The following SNX18 variants were observed in gnomAD, a reference collection of about 807,000 sequenced individuals.
SNX18 encodes sorting nexin-18.
A neutral mutation model predicts 48.7 loss-of-function variants in SNX18; 35 were observed. The observed-to-expected ratio is 0.72, with a 90% CI of 0.55 to 0.95. The LOEUF is 0.95. SNX18 is among the 40% of genes least tolerant of loss of function. The pLI, the probability that SNX18 is intolerant of heterozygous loss-of-function variation, is 0.00. For missense variants in SNX18, 824 were observed against 871.0 expected, an observed-to-expected ratio of 0.95 and a Z score of 0.68; for synonymous variants, 492 against 384.7, an observed-to-expected ratio of 1.28 and a Z score of -3.26.
chr5:54,520,776 T>TGA (rs1157958081), intron 1 of SNX18: 2 of 167,072 alleles, frequency 1.2e-5, no homozygotes, highest in African/African-American at 2.4e-5. Flanking sequence ...TCCAAATGCG[T>TGA]GACTGGTCTT....
intron 1 of SNX18, among the ~76,000 whole-genome samples, chr5:54,535,787 A>G (rs1427755970): frequency 6.6e-6 from 1 of 152,210 alleles, no homozygotes; most frequent in East Asian, 1.9e-4. Flanking sequence ...CTTTATTAAA[A>G]ACAAAAATTT....
In SNX18 at chr5:54,519,194, C is replaced by A; in HGVS notation, c.1242C>A (p.Pro414=). ...GANFFLTLST[P]PAAALDLQEV... ...ACTTCTTCCTGACCCTTAGCACGCC[C>A]CCCGCCGCTGCCCTTGACCTGCAGG... The change falls in exon 1 of 2, where the codon CCC becomes CCA. Residue 414 remains proline, a synonymous_variant. Coordinates refer to ENST00000381410, the MANE Select transcript of SNX18 (RefSeq NM_001102575.2). 1 of 1,613,938 alleles carries A rather than the reference C, an allele frequency of 6.2e-7. No homozygotes were observed. Among genetic ancestry groups the A allele is most frequent in the Non-Finnish European group, 8.5e-7 (1 of 1,179,934 alleles).
chr5:54,519,071 C>T lies in SNX18; in HGVS notation c.1119C>T (p.Asp373=), dbSNP rs1761950775. 6.2e-7 allele frequency: 1 copy of T among 1,613,912 alleles called. No homozygotes were observed. The highest frequency in any genetic ancestry group is 1.6e-4 in the Middle Eastern group (1 of 6,062). The change falls in exon 1 of 2, where the codon GAC becomes GAT. Residue 373 remains aspartate, a synonymous_variant. Transcript: ENST00000381410. ...MASHPVLAQC[D]VFQHFLTCPS... ...GCCACCCAGTGCTGGCGCAGTGCGACGTCTTCCAGCACTTCCTGACGTGCC... is the reference window on the plus strand; with the variant it reads ...GCCACCCAGTGCTGGCGCAGTGCGATGTCTTCCAGCACTTCCTGACGTGCC...
intron 1 of SNX18, among the ~76,000 whole-genome samples, chr5:54,533,781 T>C (rs1762296192): frequency 6.6e-6 from 1 of 152,164 alleles, no homozygotes; most frequent in Admixed American, 6.6e-5. Context: ...AGTTCTCTAT[T>C]TTAAGTGGAT....
At chr5:54,644,717 A>G in the SNX18 span, 2 of 152,160 alleles carry the variant, frequency 1.3e-5, no homozygotes, top group African/African-American at 4.8e-5. Context: ...TACTGACTAC[A>G]ATATAGGTGT....
the SNX18 span, among the ~76,000 whole-genome samples, chr5:54,562,284 A>G: frequency 6.6e-6 from 1 of 152,192 alleles, no homozygotes; most frequent in African/African-American, 2.4e-5. Context: ...CCTTTTCTTA[A>G]TGACGATGGA....
At chr5:54,641,488 T>C in the SNX18 span, among the ~76,000 whole-genome samples, 1 of 152,150 alleles carries the variant, frequency 6.6e-6, no homozygotes, top group South Asian at 2.1e-4. Flanking sequence ...GGAGCCATTC[T>C]GCCAGGAGTG....
rs1761921321 is a variant in SNX18 at position 54,518,383 on chromosome 5, A to G, written c.431A>G (p.Tyr144Cys). The G allele has an allele frequency of 6.4e-7, 1 of 1,573,704 alleles. No individual in the cohort carries two copies. Among genetic ancestry groups the G allele is most frequent in the Admixed American group, 1.8e-5 (1 of 55,238 alleles). ...QPSPQQLYGG[Y>C]QASQGSDDDW... The stretch of plus-strand genomic sequence containing the variant: ...TCGCCTCAGCAGCTCTACGGCGGCT[A>G]CCAGGCCAGCCAAGGCAGCGATGAT... Residue 144 changes from tyrosine (Y) to cysteine (C), a missense_variant, in exon 1 of 2, where the codon TAC becomes TGC. By Grantham distance (194) the Tyr-to-Cys change is radical. Around this residue, in one of 3 missense-constraint regions of SNX18, gnomAD observed 377 missense variants for 350.6 expected, o/e 1.08. Transcript: ENST00000381410.
chr5:54,576,279 TTC>T, the SNX18 span, among the ~76,000 whole-genome samples: 2 of 152,106 alleles, frequency 1.3e-5, no homozygotes. Context: ...TAATAAATGG[TTC>T]TTTTATGCCA....
At chr5:54,561,198 A>G in the SNX18 span, among the ~76,000 whole-genome samples, 99 of 151,812 alleles carry the variant, frequency 6.5e-4, no homozygotes, top group African/African-American at 2.3e-3. Flanking sequence ...CTGCACCACC[A>G]CGCCTGGCTA....
the SNX18 span, among the ~76,000 whole-genome samples, chr5:54,605,107 A>G: frequency 6.6e-6 from 1 of 152,212 alleles, no homozygotes; most frequent in Non-Finnish European, 1.5e-5. Flanking sequence ...AGATGTAAGC[A>G]GGAGACTTTT....
chr5:54,638,106 T>C, the SNX18 span, among the ~76,000 whole-genome samples: 1 of 152,234 alleles, frequency 6.6e-6, no homozygotes, highest in East Asian at 1.9e-4. Context: ...CTTTTGGAAT[T>C]CATTCCCCAT....
the SNX18 span, among the ~76,000 whole-genome samples, chr5:54,574,800 C>T: frequency 6.6e-6 from 1 of 152,164 alleles, no homozygotes; most frequent in East Asian, 1.9e-4. Flanking sequence ...GCTGGAACCA[C>T]CAGGGCTGTC....
At chr5:54,555,049 C>G in the SNX18 span, among the ~76,000 whole-genome samples, 1 of 152,346 alleles carries the variant, frequency 6.6e-6, no homozygotes, top group East Asian at 1.9e-4. Context: ...GCCATACACC[C>G]ACACTGGAAA....
At chr5:54,646,915 T>C in the SNX18 span, among the ~76,000 whole-genome samples, 1 of 152,204 alleles carries the variant, frequency 6.6e-6, no homozygotes, top group Admixed American at 6.5e-5. Context: ...CCAGCTGTGC[T>C]GCCTTTCTCC....
At chr5:54,606,908 C>T in the SNX18 span, among the ~76,000 whole-genome samples, 2 of 152,144 alleles carry the variant, frequency 1.3e-5, no homozygotes, top group South Asian at 2.1e-4. Flanking sequence ...AGTCAAGATA[C>T]TGACAGTTCC....
At chr5:54,625,338 A>C in the SNX18 span, among the ~76,000 whole-genome samples, 1 of 152,224 alleles carries the variant, frequency 6.6e-6, no homozygotes. Context: ...TCAAGTTGTC[A>C]GCCAGGGCTG....
the SNX18 span, among the ~76,000 whole-genome samples, chr5:54,624,469 C>G: frequency 6.6e-6 from 1 of 152,152 alleles, no homozygotes; most frequent in Non-Finnish European, 1.5e-5. Context: ...AATGAAGATA[C>G]AGAAGTGAGC....
the SNX18 span, among the ~76,000 whole-genome samples, chr5:54,596,746 T>C: frequency 1.3e-5 from 2 of 152,202 alleles, no homozygotes; most frequent in African/African-American, 4.8e-5. Flanking sequence ...GCACCTACTC[T>C]ATCCTCTCTA....
Sources: allele counts gnomAD v4.1 joint callset (sites outside exome capture counted in the v4.1 genomes callset), GRCh38; gene constraint gnomAD v4.1.1; regional missense constraint gnomAD v4.1.1; transcripts MANE v1.5; gene names NCBI Gene and HGNC (gene_info 2026-07-23, HGNC 2026-07-21).